Variants in TRPC6 observed in about 807,000 individuals in gnomAD.
TRPC6 encodes the protein short transient receptor potential channel 6.
TRPC6 carries 55 observed loss-of-function variants against 90.7 expected under a neutral mutation model. The observed-to-expected ratio is 0.61, with a 90% confidence interval of 0.49 to 0.76. The LOEUF (loss-of-function observed/expected upper bound fraction) is 0.76. Among genes scored for constraint, TRPC6 ranks in the 30% least tolerant of loss-of-function variants. TRPC6 has a pLI of 0.00. For synonymous variants in TRPC6, 393 were observed against 393.0 expected (o/e 1.00, Z 0.00); for missense variants, 989 against 1,122.7 (o/e 0.88, Z 1.70).
chr11:101,455,422 G>T, intron 10 of TRPC6: 1 of 265,226 alleles, frequency 3.8e-6, no homozygotes, highest in Non-Finnish European at 7.4e-6. Flanking sequence ...AACAAATTGA[G>T]GAAATAATGG....
At chr11:101,535,054 T>C (rs534067705) in intron 1 of TRPC6, among the ~76,000 whole-genome samples, 24 of 152,180 alleles carry the variant, frequency 1.6e-4, no homozygotes, top group African/African-American at 5.5e-4. Flanking sequence ...TAATCCCAAC[T>C]ACTCAGGAGG....
At chr11:101,482,834 G>T in intron 5 of TRPC6, 115 bp downstream of exon 5, 1 of 1,082,210 alleles carries the variant, frequency 9.2e-7, no homozygotes, top group Non-Finnish European at 1.4e-6. Flanking sequence ...TATGATGTGT[G>T]GTGCACTGTA....
intron 10 of TRPC6, among the ~76,000 whole-genome samples, chr11:101,466,577 T>C (rs1466920972): frequency 1.3e-5 from 2 of 152,204 alleles, no homozygotes; most frequent in African/African-American, 2.4e-5. Flanking sequence ...CATTCCAGGT[T>C]GATCTCAGAC....
At position 101,455,057 on chromosome 11, in the gene TRPC6, G is replaced by A. The variant is rs72984209; in HGVS notation, c.2529C>T (p.Phe843=). The change falls in exon 11 of 13, where the codon TTC becomes TTT. Residue 843 remains phenylalanine (F), a synonymous_variant. Coordinates refer to ENST00000344327, the MANE Select transcript of TRPC6 (RefSeq NM_004621.6). ...GAGGATTATTGAAACTATTTAGATGGAAATCTTCTGAGCTCCTTATACTTG... is the reference window on the plus strand; with the variant it reads ...GAGGATTATTGAAACTATTTAGATGAAAATCTTCTGAGCTCCTTATACTTG... ...KQPSIRSSED[F]HLNSFNNPPR... is the part of the protein sequence containing the mutation. 136,527 of 1,610,434 alleles carry A rather than the reference G, an allele frequency of 0.085. 9,280 individuals are homozygous for A. The highest frequency in any genetic ancestry group is 0.36 in the African/African-American group (26,638 of 74,702).
At chr11:101,536,287 T>C (rs1241852549) in intron 1 of TRPC6, among the ~76,000 whole-genome samples, 2 of 152,112 alleles carry the variant, frequency 1.3e-5, no homozygotes, top group Non-Finnish European at 2.9e-5. Flanking sequence ...CTTGGGAGGC[T>C]GAGGCACCAG....
chr11:101,472,002 G>A (rs1184575047), intron 8 of TRPC6, 135 bp downstream of exon 8: 4 of 895,014 alleles, frequency 4.5e-6, no homozygotes, highest in Non-Finnish European at 7.0e-6. Context: ...CCAGATTACT[G>A]GTCAAACGAG....
chr11:101,560,257 C>T (rs543088021), intron 1 of TRPC6, among the ~76,000 whole-genome samples: 1 of 151,706 alleles, frequency 6.6e-6, no homozygotes, highest in Admixed American at 6.6e-5. Flanking sequence ...TTGAAAAAAT[C>T]AGAACACTTC....
intron 10 of TRPC6, among the ~76,000 whole-genome samples, chr11:101,467,233 A>G (rs1859170475): frequency 1.3e-5 from 2 of 152,112 alleles, no homozygotes; most frequent in Admixed American, 1.3e-4. Context: ...AGATATGCCC[A>G]TTTATGATTT....
intron 10 of TRPC6, among the ~76,000 whole-genome samples, chr11:101,467,176 T>C (rs974408862): frequency 7.9e-5 from 12 of 152,200 alleles, no homozygotes; most frequent in African/African-American, 2.7e-4. Flanking sequence ...AATCCTGTTT[T>C]TGTTTCTTCC....
intron 1 of TRPC6, among the ~76,000 whole-genome samples, chr11:101,550,001 C>T (rs1861415491): frequency 6.6e-6 from 1 of 151,250 alleles, no homozygotes; most frequent in Non-Finnish European, 1.5e-5. Flanking sequence ...TCCCTTTTTT[C>T]TGATGACACA....
chr11:101,583,516 C>T lies in TRPC6; in HGVS notation c.-13G>A. ...GGCTCTGGCTCATGGCGGGAACGCC[C>T]GACTGGCCTGGGCCCCGCTCCCGGG... is the stretch of plus-strand genomic sequence containing the variant. On this transcript the variant is annotated 5_prime_UTR_variant, in exon 1 of 13. Coordinates refer to ENST00000344327, the MANE Select transcript of TRPC6 (RefSeq NM_004621.6). 6.8e-7 allele frequency: 1 copy of T among 1,465,016 alleles called. No homozygotes were observed. The highest frequency in any genetic ancestry group is 9.0e-7 in the Non-Finnish European group (1 of 1,110,640). The allele number at this position is 1,465,016 out of a possible 1,614,324, so 90.8% of individuals were successfully genotyped here.
chr11:101,580,258 G>A (rs1862164645), intron 1 of TRPC6, among the ~76,000 whole-genome samples: 1 of 152,112 alleles, frequency 6.6e-6, no homozygotes, highest in Non-Finnish European at 1.5e-5. Context: ...GTTCAGCAGT[G>A]ATGAACTGTA....
At chr11:101,572,019 T>G (rs11224868) in intron 1 of TRPC6, among the ~76,000 whole-genome samples, 56,547 of 151,874 alleles carry the variant, frequency 0.37, 11,270 homozygotes, top group Non-Finnish European at 0.46. Flanking sequence ...AATTGACAAA[T>G]GGGATCTAAT....
At position 101,507,006 on chromosome 11, in the gene TRPC6, AACACACACAC is replaced by A. The variant is rs10590147; in HGVS notation, c.171-2218_171-2209del. On this transcript the variant is annotated intron_variant, in intron 1 of 12. Transcript: ENST00000344327. Reference sequence around the variant, plus strand: ...CCTTCACGTATCTCTCTCTCTCTCTAACACACACACACACACACACACACACACACACACA... The same window carrying A: ...CCTTCACGTATCTCTCTCTCTCTCTAACACACACACACACACACACACACA... Among the ~76,000 whole-genome samples the A allele has an allele frequency of 1.2e-3, 152 of 131,166 alleles. 1 individual carries two copies. The highest frequency in any genetic ancestry group is 3.2e-3 in the African/African-American group (113 of 35,134). The allele number at this position is 131,166 out of a possible 152,430, so 86.0% of individuals were successfully genotyped here.
intron 1 of TRPC6, among the ~76,000 whole-genome samples, chr11:101,570,387 T>C (rs1429738471): frequency 6.6e-6 from 1 of 152,172 alleles, no homozygotes; most frequent in African/African-American, 2.4e-5. Context: ...ATTATTAGCC[T>C]ACCAACCAAA....
At chr11:101,544,106 G>A (rs1323256749) in intron 1 of TRPC6, among the ~76,000 whole-genome samples, 1 of 152,134 alleles carries the variant, frequency 6.6e-6, no homozygotes, top group Non-Finnish European at 1.5e-5. Flanking sequence ...AGACATTTAT[G>A]CAGCCAACAA....
intron 10 of TRPC6, among the ~76,000 whole-genome samples, chr11:101,457,232 T>C (rs1190671192): frequency 6.6e-6 from 1 of 152,192 alleles, no homozygotes; most frequent in Non-Finnish European, 1.5e-5. Flanking sequence ...GCTTTGTTCC[T>C]AATATGGAAA....
At chr11:101,478,799 T>C (rs1487228859) in intron 5 of TRPC6, among the ~76,000 whole-genome samples, 2 of 152,180 alleles carry the variant, frequency 1.3e-5, no homozygotes, top group African/African-American at 4.8e-5. Context: ...TCCTTCAACG[T>C]GGATGCAGTG....
chr11:101,545,792 T>G (rs1861289821), intron 1 of TRPC6, among the ~76,000 whole-genome samples: 1 of 152,156 alleles, frequency 6.6e-6, no homozygotes, highest in South Asian at 2.1e-4. Flanking sequence ...TAAGACATCT[T>G]TCCACTTGCT....
Sources: allele counts gnomAD v4.1 joint callset (sites outside exome capture counted in the v4.1 genomes callset), GRCh38; gene constraint gnomAD v4.1.1; transcripts MANE v1.5; gene names NCBI Gene and HGNC (gene_info 2026-07-23, HGNC 2026-07-21).